Variants in NF1 observed in about 807,000 individuals in gnomAD.
NF1 encodes neurofibromin 1.
In NF1, 122 loss-of-function variants were observed where a neutral mutation model predicts 325.7. The observed-to-expected ratio is 0.37, with a 90% CI of 0.32 to 0.44. The LOEUF (loss-of-function observed/expected upper bound fraction) is 0.44. Among genes scored for constraint, NF1 ranks in the 20% least tolerant of loss-of-function variants. The probability of loss-of-function intolerance (pLI) is 1.00; values close to 1 mark genes in which losing one functional copy is unlikely to be tolerated. For missense variants in NF1, 2,140 were observed against 3,415.4 expected (o/e 0.63, Z 9.31); for synonymous variants, 1,091 against 1,186.0 (o/e 0.92, Z 1.65).
intron 1 of NF1, among the ~76,000 whole-genome samples, chr17:31,116,898 C>T (rs963943672): frequency 4.0e-5 from 6 of 151,256 alleles, no homozygotes; most frequent in African/African-American, 9.7e-5. Context: ...AGGATGGTCT[C>T]GATCTCCTGA....
rs922257267 is a variant in NF1, at chr17:31,181,752, A to G, written c.697A>G (p.Lys233Glu). The part of the protein sequence containing the change: ...WVENYPDEFT[K>E]LYQIPQTDMA... ...AGAAAATTATCCAGATGAATTTACA[A>G]AACTGTACCAGATCCCACAGACTGA... The change falls in exon 7 of 58, where the codon AAA (lysine) becomes GAA (glutamate). Residue 233 changes from lysine to glutamate, a missense_variant. Around this residue, in one of 10 missense-constraint regions of NF1, gnomAD observed 246 missense variants for 347.8 expected, o/e 0.71. Transcript: ENST00000358273. 1 of 1,611,180 alleles carries G rather than the reference A, an allele frequency of 6.2e-7. No individual in the cohort carries two copies. The highest frequency in any genetic ancestry group is 8.5e-7 in the Non-Finnish European group (1 of 1,177,452).
At chr17:31,331,904 T>TAAAAAAAAAAA (rs755592420) in intron 39 of NF1, 7 of 42,882 alleles carry the variant, frequency 1.6e-4, no homozygotes, top group African/African-American at 9.0e-4. Context: ...CCTTCTCTAT[T>TAAAAAAAAAAA]AAAAAAAAAA....
rs1597658664 is a variant in NF1 at position 31,181,761 on chromosome 17, C to T, written c.706C>T (p.Gln236Ter). The T allele has an allele frequency of 6.2e-7, 1 of 1,607,408 alleles. No homozygotes were observed. Among genetic ancestry groups the T allele is most frequent in the Non-Finnish European group, 8.5e-7 (1 of 1,175,124 alleles). Residue 236 changes from glutamine to a stop codon, truncating the protein, a stop_gained, in exon 7 of 58, where the codon CAG becomes TAG. Transcript: ENST00000358273. LOFTEE classifies it high-confidence loss of function. ...NYPDEFTKLY[Q>*]IPQTDMAECA... ...TCCAGATGAATTTACAAAACTGTAC[C>T]AGATCCCACAGACTGATATGGCTGG...
intron 1 of NF1, among the ~76,000 whole-genome samples, chr17:31,115,757 C>G (rs1324190108): frequency 6.6e-6 from 1 of 152,134 alleles, no homozygotes; most frequent in Non-Finnish European, 1.5e-5. Context: ...TGATGATGAA[C>G]AAGGTGTCGC....
In NF1 at chr17:31,356,993, CACATTT is replaced by C; in HGVS notation, c.7775_7780del (p.His2592_Leu2593del). 2 of 1,613,944 alleles carry C rather than the reference CACATTT, an allele frequency of 1.2e-6. No homozygotes were observed. Among genetic ancestry groups the C allele is most frequent in the Non-Finnish European group, 1.7e-6 (2 of 1,179,934 alleles). The stretch of plus-strand genomic sequence containing the variant: ...AGGATTTCCTCATCACAACAGCACC[CACATTT>C]ACGTAAAGTTTCAGTGTCTGAATCA... On this transcript the variant is annotated inframe_deletion, in exon 53 of 58. Coordinates refer to ENST00000358273, the MANE Select transcript of NF1 (RefSeq NM_001042492.3).
chr17:31,304,537 G>A (rs1352054259), intron 36 of NF1: 5 of 1,614,062 alleles, frequency 3.1e-6, no homozygotes, highest in African/African-American at 1.3e-5. Flanking sequence ...TGTCATTGTG[G>A]GTTTGTCAGA....
chr17:31,098,933 G>A (rs963239805), intron 1 of NF1, among the ~76,000 whole-genome samples: 1,065 of 99,856 alleles, frequency 0.011, no homozygotes, highest in African/African-American at 0.019. Flanking sequence ...CTCCATCTCA[G>A]AAAAAAAAAA....
intron 38 of NF1, among the ~76,000 whole-genome samples, chr17:31,328,692 C>G (rs1304990371): frequency 6.6e-6 from 1 of 152,088 alleles, no homozygotes; most frequent in Admixed American, 6.5e-5. Context: ...TACCCTGAGA[C>G]TTTGAAGATT....
intron 36 of NF1, among the ~76,000 whole-genome samples, chr17:31,279,448 G>A (rs1025857192): frequency 6.6e-6 from 1 of 152,092 alleles, no homozygotes; most frequent in African/African-American, 2.4e-5. Context: ...GTAGTATATA[G>A]CACTGAAAAG....
At chr17:31,357,241 G>T (rs748422824) in intron 53 of NF1, 28 bp from the exon 54 acceptor site, 1 of 1,599,986 alleles carries the variant, frequency 6.3e-7, no homozygotes, top group Admixed American at 1.7e-5. Flanking sequence ...TAAAAATGTT[G>T]TGTGTTTACT....
At position 31,265,258 on chromosome 17, in the gene NF1, A is replaced by G; in HGVS notation, c.4754A>G (p.Lys1585Arg). ...CAGGTACATGAAAAAGAAGAATTCA[A>G]GGCTTTGAAAACGTTAAGTATTTTC... ...RHQVHEKEEF[K>R]ALKTLSIFYQ... Residue 1585 changes from lysine (K) to arginine (R), a missense_variant, in exon 36 of 58, where the codon AAG becomes AGG. By Grantham distance (26) the Lys-to-Arg change is conservative. Coordinates refer to ENST00000358273, the MANE Select transcript of NF1 (RefSeq NM_001042492.3). The G allele has an allele frequency of 1.2e-6, 2 of 1,613,310 alleles. No individual in the cohort carries two copies. Among genetic ancestry groups the G allele is most frequent in the Non-Finnish European group, 1.7e-6 (2 of 1,179,446 alleles).
chr17:31,104,837 C>G (rs1912704135), intron 1 of NF1, among the ~76,000 whole-genome samples: 1 of 152,152 alleles, frequency 6.6e-6, no homozygotes. Flanking sequence ...CATTTGACCA[C>G]TTCAAATGTT....
chr17:31,291,512 C>T (rs1029247905), intron 36 of NF1, among the ~76,000 whole-genome samples: 3 of 152,098 alleles, frequency 2.0e-5, no homozygotes, highest in South Asian at 2.1e-4. Context: ...ATCCTTGTTT[C>T]GATTGTGATT....
rs761086521 is a variant in NF1, at chr17:31,163,290, A to C, written c.393A>C (p.Ala131=). The C allele has an allele frequency of 5.0e-6, 8 of 1,614,038 alleles. No individual in the cohort carries two copies. In the African/African-American group the frequency reaches 1.1e-4, roughly 22 times the overall value. ...LHTCREGNQH[A]AELRNSASGV... is the part of the protein sequence containing the mutation. Reference sequence around the variant, plus strand: ...CCTGTCGTGAAGGAAACCAGCATGCAGCTGAACTTCGGAATTCTGCCTCTG... The same window carrying C: ...CCTGTCGTGAAGGAAACCAGCATGCCGCTGAACTTCGGAATTCTGCCTCTG... Residue 131 remains alanine (A), a synonymous_variant, in exon 4 of 58, where the codon GCA becomes GCC. Coordinates refer to ENST00000358273, the MANE Select transcript of NF1 (RefSeq NM_001042492.3).
chr17:31,273,045 C>G (rs1352234022), intron 36 of NF1, among the ~76,000 whole-genome samples: 1 of 152,040 alleles, frequency 6.6e-6, no homozygotes, highest in African/African-American at 2.4e-5. Context: ...AAATAAAACT[C>G]TAGACATTCA....
At chr17:31,338,493 TATA>T (rs902770069) in intron 45 of NF1, among the ~76,000 whole-genome samples, 9 of 152,184 alleles carry the variant, frequency 5.9e-5, no homozygotes, top group African/African-American at 1.9e-4. Context: ...TTGTAATTAC[TATA>T]ATAATGTCTG....
chr17:31,176,716 T>C (rs2143747494), intron 5 of NF1, among the ~76,000 whole-genome samples: 1 of 152,356 alleles, frequency 6.6e-6, no homozygotes, highest in South Asian at 2.1e-4. Context: ...AGTTTCAGTT[T>C]TCTGCATATG....
At chr17:31,295,503 A>T in intron 36 of NF1, 1 of 1,614,196 alleles carries the variant, frequency 6.2e-7, no homozygotes, top group Non-Finnish European at 8.5e-7. Context: ...ACAGTGAATA[A>T]GCTTGAGGTA....
At chr17:31,149,092 A>G (rs2905790) in intron 1 of NF1, among the ~76,000 whole-genome samples, 81,393 of 151,378 alleles carry the variant, frequency 0.54, 25,728 homozygotes, top group Middle Eastern at 0.76. Flanking sequence ...CATACTGTGT[A>G]TATTTTCTCC....
Sources: gnomAD v4.1 joint callset for allele counts (sites outside exome capture counted in the v4.1 genomes callset) on GRCh38, gnomAD v4.1.1 for gene constraint, gnomAD v4.1.1 regional missense constraint, MANE v1.5 for transcripts, NCBI Gene and HGNC (gene_info 2026-07-23, HGNC 2026-07-21) for gene names.